RAP1GAP: variants seen among roughly 807,000 people sequenced by gnomAD.
RAP1GAP encodes RAP1 GTPase activating protein.
In RAP1GAP, 35 loss-of-function variants were observed where a neutral mutation model predicts 87.2. That is an observed-to-expected ratio of 0.40 (90% CI 0.31 to 0.53). The LOEUF (loss-of-function observed/expected upper bound fraction) is 0.53. Ranked by LOEUF, RAP1GAP falls within the 20% of genes least tolerant of loss-of-function variation. The pLI is 0.48. For missense variants in RAP1GAP, 734 were observed against 898.9 expected (o/e 0.82, Z 2.35); for synonymous variants, 375 against 363.9 (o/e 1.03, Z -0.35).
At position 21,602,886 on chromosome 1, in the gene RAP1GAP, T is replaced by C; in HGVS notation, c.1456A>G (p.Thr486Ala). The C allele has an allele frequency of 1.9e-6, 3 of 1,610,374 alleles. No individual in the cohort carries two copies. Among genetic ancestry groups the C allele is most frequent in the Non-Finnish European group, 2.5e-6 (3 of 1,179,604 alleles). Residue 486 changes from threonine to alanine, a missense_variant, in exon 19 of 25, where the codon ACG (threonine) becomes GCG (alanine). Physicochemically the swap from Thr to Ala is moderately conservative, Grantham distance 58 (BLOSUM62 0). Around this residue, in one of 2 missense-constraint regions of RAP1GAP, gnomAD observed 249 missense variants for 252.7 expected, o/e 0.99. Coordinates refer to ENST00000374765, the MANE Select transcript of RAP1GAP (RefSeq NM_002885.4). The stretch of plus-strand genomic sequence containing the variant: ...CCGAACGGGCCCGACTTCTTCCTCG[T>C]GGGGCTCTTCCCAGGGACAATCAGT... ...ISLIVPGKSP[T>A]RKKSGPFGSR...
rs572386319 is a variant in RAP1GAP at position 21,657,978 on chromosome 1, G to A, written c.-148-8182C>T. On this transcript the variant is annotated intron_variant, in intron 1 of 24. Coordinates refer to ENST00000374765, the MANE Select transcript of RAP1GAP (RefSeq NM_002885.4). ...AGGGTGGCTCTGCCCCCCAGAGGGCGCCAGGGTGGTTTCAGTCCTCAGAAA... is the reference window on the plus strand; with the variant it reads ...AGGGTGGCTCTGCCCCCCAGAGGGCACCAGGGTGGTTTCAGTCCTCAGAAA... Among the ~76,000 whole-genome samples the A allele has an allele frequency of 3.9e-5, 6 of 152,146 alleles. No individual in the cohort carries two copies. In the South Asian group the frequency reaches 6.2e-4, roughly 16 times the overall value.
chr1:21,603,622 G>T lies in RAP1GAP; in HGVS notation c.1429-709C>A. On this transcript the variant is annotated intron_variant, in intron 18 of 24. Transcript: ENST00000374765. This position sits in a 1 kb window ranked among gnomAD's most constrained non-coding sequence, Gnocchi z 6.0. ...CCCAGGGGCCAAGGCAGGGCCAGAAGCCCCTGGTGAGGGGCACTGGCTCTG... is the reference window on the plus strand; with the variant it reads ...CCCAGGGGCCAAGGCAGGGCCAGAATCCCCTGGTGAGGGGCACTGGCTCTG... 1.4e-6 allele frequency: 1 copy of T among 733,042 alleles called. No individual in the cohort carries two copies. The highest frequency in any genetic ancestry group is 2.5e-6 in the Non-Finnish European group (1 of 401,982). 45.4% of individuals were successfully genotyped at this position (733,042 alleles called of 1,614,324 possible).
chr1:21,640,704 C>CCCCA (rs1345983845), intron 2 of RAP1GAP, among the ~76,000 whole-genome samples: 66 of 129,654 alleles, frequency 5.1e-4, no homozygotes, highest in African/African-American at 1.9e-3. Context: ...AGGGTCTTTG[C>CCCCA]GCCAGGTAGA....
chr1:21,633,423 T>G (rs1267346652), intron 2 of RAP1GAP, among the ~76,000 whole-genome samples: 1 of 152,218 alleles, frequency 6.6e-6, no homozygotes, highest in East Asian at 1.9e-4. Context: ...CCTGCTTTTC[T>G]GCCTAGTGAA....
chr1:21,631,617 C>T lies in RAP1GAP; in HGVS notation c.-112-5220G>A, dbSNP rs182817647. Among the ~76,000 whole-genome samples, 180 of 152,180 alleles carry T rather than the reference C, an allele frequency of 1.2e-3. 4 individuals carry two copies. The East Asian group carries it at 0.022, about 19-fold the overall frequency. On this transcript the variant is annotated intron_variant, in intron 2 of 24. Coordinates refer to ENST00000374765, the MANE Select transcript of RAP1GAP (RefSeq NM_002885.4). ...AGGAGAATCGCTTGAACCCAGGAGG[C>T]GGAGGTTGCAGTGAGCCGAGATTGC...
chr1:21,628,520 G>T (rs1038314441), intron 2 of RAP1GAP, among the ~76,000 whole-genome samples: 1 of 150,824 alleles, frequency 6.6e-6, no homozygotes, highest in African/African-American at 2.5e-5. Flanking sequence ...GAGATCCCGA[G>T]AACATCCTGG....
At chr1:21,655,014 C>T (rs1040796984) in intron 1 of RAP1GAP, among the ~76,000 whole-genome samples, 8 of 151,700 alleles carry the variant, frequency 5.3e-5, no homozygotes, top group East Asian at 3.9e-4. Flanking sequence ...GTGGTTGGCA[C>T]CTGTAGTCCC....
intron 2 of RAP1GAP, among the ~76,000 whole-genome samples, chr1:21,631,902 C>T (rs909021026): frequency 6.6e-6 from 1 of 152,136 alleles, no homozygotes. Flanking sequence ...CGTCACCTGG[C>T]CTCCTGCCCC....
intron 2 of RAP1GAP, among the ~76,000 whole-genome samples, chr1:21,643,870 C>A (rs1311233864): frequency 6.6e-6 from 1 of 152,194 alleles, no homozygotes; most frequent in Non-Finnish European, 1.5e-5. Context: ...TATTTGAACT[C>A]AGGTCTACCT....
chr1:21,625,434 C>T (rs1471218868), intron 3 of RAP1GAP, among the ~76,000 whole-genome samples: 1 of 152,184 alleles, frequency 6.6e-6, no homozygotes, highest in Non-Finnish European at 1.5e-5. Flanking sequence ...AAAGTGAGAG[C>T]TTGTCACCCC....
In RAP1GAP at chr1:21,597,987, C is replaced by G; in HGVS notation, c.1957G>C (p.Ala653Pro). The G allele has an allele frequency of 1.3e-6, 2 of 1,576,948 alleles. No homozygotes were observed. The highest frequency in any genetic ancestry group is 2.3e-5 in the South Asian group (2 of 86,304). The change falls in exon 23 of 25, where the codon GCA (alanine) becomes CCA (proline). Residue 653 changes from alanine (A) to proline (P), a missense_variant. Around this residue, in one of 2 missense-constraint regions of RAP1GAP, gnomAD observed 249 missense variants for 252.7 expected, o/e 0.99. Coordinates refer to ENST00000374765, the MANE Select transcript of RAP1GAP (RefSeq NM_002885.4). ...AGCTGGGGCATGTGCTGCTCAGATG[C>G]TTCCAGCTGGATCTTGATCTCGGGA... ...ACPEIKIQLE[A>P]SEQHMPQLGC
At chr1:21,651,795 A>T in intron 1 of RAP1GAP, 1 of 1,384,278 alleles carries the variant, frequency 7.2e-7, no homozygotes, top group Non-Finnish European at 9.4e-7. Flanking sequence ...TAGGCCCCGA[A>T]GGTGAAGCTG....
At chr1:21,599,791 C>T (rs1012397089) in intron 20 of RAP1GAP, among the ~76,000 whole-genome samples, 174 bp from the exon 21 acceptor site, 1 of 152,194 alleles carries the variant, frequency 6.6e-6, no homozygotes, top group Non-Finnish European at 1.5e-5. Flanking sequence ...CCTGCAGCCT[C>T]CTCCTACCCG....
intron 1 of RAP1GAP, chr1:21,651,904 C>T: frequency 1.1e-6 from 1 of 950,336 alleles, no homozygotes; most frequent in Non-Finnish European, 1.3e-6. Flanking sequence ...AACGCGGCCG[C>T]CCCGCCCCCG....
intron 17 of RAP1GAP, among the ~76,000 whole-genome samples, chr1:21,607,422 T>C (rs2075393626): frequency 6.6e-6 from 1 of 152,188 alleles, no homozygotes; most frequent in African/African-American, 2.4e-5. Context: ...ATGCCCAAGC[T>C]GGTAAGTAAC....
chr1:21,611,275 T>C (rs866284713), intron 13 of RAP1GAP, among the ~76,000 whole-genome samples, 177 bp downstream of exon 13: 11 of 152,190 alleles, frequency 7.2e-5, no homozygotes, highest in Non-Finnish European at 1.2e-4. Context: ...ATTCTGACTG[T>C]AGAAACCAAG....
Position 21,597,122 on chromosome 1 carries a change from T to TGG in RAP1GAP, c.*176_*177insCC, listed in dbSNP as rs1325412571. 1 of 146,664 alleles carries TGG rather than the reference T, an allele frequency of 6.8e-6. No homozygotes were observed. The highest frequency in any genetic ancestry group is 6.7e-5 in the Admixed American group (1 of 14,958). 9.1% of individuals were successfully genotyped at this position (146,664 alleles called of 1,614,324 possible). On this transcript the variant is annotated 3_prime_UTR_variant, in exon 25 of 25. Transcript: ENST00000374765. ...ATCCCAGGTCTGGACGGCTCTGCCC[T>TGG]GCAGAGACAGCCCAGATGGGTGGGC...
intron 3 of RAP1GAP, among the ~76,000 whole-genome samples, chr1:21,623,302 T>A (rs1448484076): frequency 6.6e-6 from 1 of 152,226 alleles, no homozygotes; most frequent in East Asian, 1.9e-4. Flanking sequence ...GACCTCAGTT[T>A]CCCCATCTTT....
chr1:21,651,566 G>A (rs370496641), intron 1 of RAP1GAP: 7 of 685,320 alleles, frequency 1.0e-5, no homozygotes, highest in Non-Finnish European at 1.9e-5. Context: ...GACACGCAAT[G>A]GGAACACACA....
Sources: allele counts gnomAD v4.1 joint callset (sites outside exome capture counted in the v4.1 genomes callset), GRCh38; gene constraint gnomAD v4.1.1; regional missense constraint gnomAD v4.1.1; non-coding constraint Gnocchi (gnomAD v3.1); transcripts MANE v1.5; gene names NCBI Gene and HGNC (gene_info 2026-07-23, HGNC 2026-07-21).